TERF2: variants seen among roughly 807,000 people sequenced by gnomAD.
The protein encoded by TERF2 is telomeric repeat binding factor 2.
In TERF2, 16 loss-of-function variants were observed where a neutral mutation model predicts 56.1. The observed-to-expected ratio is 0.29, with a 90% confidence interval of 0.19 to 0.43. The LOEUF is 0.43. TERF2 is among the 20% of genes least tolerant of loss of function. The pLI is 1.00. For missense variants in TERF2, 547 were observed against 712.9 expected (o/e 0.77, Z 2.65); for synonymous variants, 296 against 282.1 (o/e 1.05, Z -0.50).
At chr16:69,359,841 G>A (rs1008385624) in intron 8 of TERF2, among the ~76,000 whole-genome samples, 1 of 151,402 alleles carries the variant, frequency 6.6e-6, no homozygotes, top group South Asian at 2.1e-4. Context: ...TGCTGGTGTC[G>A]AACTTCTGAC....
chr16:69,376,893 CAAAGA>C (rs1237572104), intron 3 of TERF2, among the ~76,000 whole-genome samples: 2 of 143,936 alleles, frequency 1.4e-5, no homozygotes, highest in Admixed American at 7.0e-5. Context: ...GAGAAAAAGA[CAAAGA>C]AAAGAAAGAA....
In TERF2 at chr16:69,385,569, C is replaced by T. The variant is rs759419260; in HGVS notation, c.379+24G>A. 4 of 1,580,216 alleles carry T rather than the reference C, an allele frequency of 2.5e-6. No homozygotes were observed. In the Admixed American group the frequency reaches 5.0e-5, roughly 20 times the overall value. On this transcript the variant is annotated intron_variant, in intron 1 of 9. Transcript: ENST00000254942. ...GACCCCCTTCCCCGGCGCTCCAACC[C>T]CCCTCCCCCGGCCCGGCCCTCACCC...
At chr16:69,381,841 A>G (rs991085194) in intron 3 of TERF2, among the ~76,000 whole-genome samples, 4 of 152,210 alleles carry the variant, frequency 2.6e-5, no homozygotes, top group African/African-American at 9.7e-5. Context: ...CTCTAGAGTT[A>G]ATAAAATTCA....
At chr16:69,377,027 C>T (rs1200755976) in intron 3 of TERF2, among the ~76,000 whole-genome samples, 3 of 151,564 alleles carry the variant, frequency 2.0e-5, no homozygotes, top group African/African-American at 7.3e-5. Flanking sequence ...ATGGTGAAAC[C>T]CTATCTCTAC....
intron 5 of TERF2, among the ~76,000 whole-genome samples, chr16:69,369,110 G>T (rs540123318): frequency 1.3e-5 from 2 of 148,360 alleles, no homozygotes; most frequent in Admixed American, 6.7e-5. Context: ...AGGCTAATCA[G>T]GGCTCTTTGT....
intron 7 of TERF2, 116 bp downstream of exon 7, chr16:69,366,691 A>T (rs1002258673): frequency 3.9e-5 from 52 of 1,348,478 alleles, no homozygotes; most frequent in Non-Finnish European, 4.6e-5. Context: ...TAGCAGTCTG[A>T]GCAAGCCTTG....
rs372615904 is a variant in TERF2 at position 69,369,429 on chromosome 16, GC to G, written c.841-948del. On this transcript the variant is annotated intron_variant, in intron 5 of 9. Transcript: ENST00000254942. ...TCTTCCCACTTCAGCCTCCCAAGTA[GC>G]TGGGACTACAGGCACGCGCCACCAC... Among the ~76,000 whole-genome samples, 718 of 152,214 alleles carry G rather than the reference GC, an allele frequency of 4.7e-3. 11 individuals carry two copies. Among genetic ancestry groups the G allele is most frequent in the African/African-American group, 0.015 (642 of 41,528 alleles).
In TERF2 at chr16:69,356,345, T is replaced by C. The variant is rs1198580178; in HGVS notation, c.*553A>G. ...AAGAAGGGAAACGCTAATGATATTC[T>C]GGCACTGCACAAGCTGTGTGCCTGT... is the stretch of plus-strand genomic sequence containing the variant. On this transcript the variant is annotated 3_prime_UTR_variant, in exon 10 of 10. Coordinates refer to ENST00000254942, the MANE Select transcript of TERF2 (RefSeq NM_005652.5). The C allele has an allele frequency of 1.1e-5, 4 of 371,254 alleles. No individual in the cohort carries two copies. Among genetic ancestry groups the C allele is most frequent in the African/African-American group, 8.5e-5 (4 of 46,952 alleles). The allele number at this position is 371,254 out of a possible 1,614,324, so 23.0% of individuals were successfully genotyped here.
chr16:69,375,842 A>T (rs1158309831), intron 3 of TERF2, among the ~76,000 whole-genome samples: 2 of 152,160 alleles, frequency 1.3e-5, no homozygotes, highest in East Asian at 3.8e-4. Context: ...ATGATGTTGA[A>T]CATCTTTTCA....
At chr16:69,380,073 C>T (rs868430123) in intron 3 of TERF2, among the ~76,000 whole-genome samples, 4 of 152,044 alleles carry the variant, frequency 2.6e-5, no homozygotes, top group Admixed American at 2.0e-4. Flanking sequence ...GCCACACACC[C>T]GGCTAATTTT....
rs755088525 is a variant in TERF2 at position 69,361,407 on chromosome 16, G to T, written c.1423C>A (p.Gln475Lys). 7 of 1,611,112 alleles carry T rather than the reference G, an allele frequency of 4.3e-6. No homozygotes were observed. The African/African-American group carries it at 8.0e-5, about 18-fold the overall frequency. Reference sequence around the variant, plus strand: ...CCAAGGAGAATCTTCTGCTTACCCTGAACTTGAAACAGTTCATCCTCTTCC... The same window carrying T: ...CCAAGGAGAATCTTCTGCTTACCCTTAACTTGAAACAGTTCATCCTCTTCC... The part of the protein sequence containing the change: ...WVEEDELFQV[Q>K]AAPDEDSTTN... The change falls in exon 8 of 10, where the codon CAG (glutamine) becomes AAG (lysine). Residue 475 changes from glutamine to lysine, a missense_variant. Transcript: ENST00000254942.
chr16:69,385,773 G>A lies in TERF2; in HGVS notation c.199C>T (p.Arg67Trp), dbSNP rs1181871917. The A allele has an allele frequency of 7.6e-7, 1 of 1,322,896 alleles. No individual in the cohort carries two copies. 81.9% of individuals were successfully genotyped at this position (1,322,896 alleles called of 1,614,324 possible). A position where few individuals can be genotyped will look rare whatever the true frequency, so the allele number is the denominator to read the frequency against. The stretch of plus-strand genomic sequence containing the variant: ...GGCTCGTGGCGCCCCCGCCGGGCCC[G>A]CCCGCTACTGCGGGACGCCCGCCTG... ...AGRRASRSSGRARRGRHEPGL... is the reference protein window; with the variant it reads ...AGRRASRSSGWARRGRHEPGL... Residue 67 changes from arginine to tryptophan, a missense_variant, in exon 1 of 10, where the codon CGG becomes TGG. By Grantham distance (101) the Arg-to-Trp change is moderately radical. This residue lies in a region of TERF2 where 120 missense variants were observed against 172.4 expected (regional missense o/e 0.70). Coordinates refer to ENST00000254942, the MANE Select transcript of TERF2 (RefSeq NM_005652.5).
chr16:69,381,268 G>C (rs1329252897), intron 3 of TERF2, among the ~76,000 whole-genome samples: 2 of 152,134 alleles, frequency 1.3e-5, no homozygotes, highest in South Asian at 2.1e-4. Context: ...CTTGTTTTAT[G>C]TGACAGGTTT....
rs1044685359 is a variant in TERF2, at chr16:69,367,214, T to C, written c.948-15A>G. The C allele has an allele frequency of 5.0e-6, 8 of 1,589,652 alleles. No individual in the cohort carries two copies. Among genetic ancestry groups the C allele is most frequent in the African/African-American group, 4.1e-5 (3 of 73,964 alleles). ...TCCGTAGCTGCCTGCAAATCAAGCA[T>C]AGGCACAAAGATGTTTTTCACCACT... On this transcript the variant is annotated splice_polypyrimidine_tract_variant and intron_variant, in intron 6 of 9. Coordinates refer to ENST00000254942, the MANE Select transcript of TERF2 (RefSeq NM_005652.5).
chr16:69,361,326 G>C lies in TERF2; in HGVS notation c.1426+78C>G. ...TCTAGTTCGGAGACAAGCAGCTTCT[G>C]GAATATTAACATGACAGTAACACGC... On this transcript the variant is annotated intron_variant, in intron 8 of 9. Coordinates refer to ENST00000254942, the MANE Select transcript of TERF2 (RefSeq NM_005652.5). 2.0e-6 allele frequency: 2 copies of C among 1,022,048 alleles called. 1 individual carries two copies. The allele number at this position is 1,022,048 out of a possible 1,614,324, so 63.3% of individuals were successfully genotyped here.
intron 8 of TERF2, among the ~76,000 whole-genome samples, chr16:69,360,378 G>C (rs114105419): frequency 0.041 from 6,220 of 150,170 alleles, 442 homozygotes; most frequent in African/African-American, 0.14. Flanking sequence ...AAGTAAGACT[G>C]CATCTCAAAA....
intron 7 of TERF2, among the ~76,000 whole-genome samples, chr16:69,363,511 AGTC>A (rs2013223305): frequency 6.6e-6 from 1 of 152,190 alleles, no homozygotes; most frequent in Non-Finnish European, 1.5e-5. Context: ...GTCCTGGCCA[AGTC>A]AGGCCACTTC....
In TERF2 at chr16:69,367,153, C is replaced by A; in HGVS notation, c.994G>T (p.Ala332Ser). The change falls in exon 7 of 10, where the codon GCA (alanine) becomes TCA (serine). Residue 332 changes from alanine to serine, a missense_variant. By Grantham distance (99) the Ala-to-Ser change is moderately conservative (BLOSUM62 1). This residue lies in a region of TERF2 where 211 missense variants were observed against 236.8 expected (regional missense o/e 0.89). Coordinates refer to ENST00000254942, the MANE Select transcript of TERF2 (RefSeq NM_005652.5). ...GCACCAGACAGAGTCTTGAAAGCTG[C>A]TTTCAGAGTCATCATTCCAATGGTG... Reference protein sequence around the residue: ...PTTIGMMTLKAAFKTLSGAQD... With the variant: ...PTTIGMMTLKSAFKTLSGAQD... 1 of 1,614,120 alleles carries A rather than the reference C, an allele frequency of 6.2e-7. No homozygotes were observed. Among genetic ancestry groups the A allele is most frequent in the Non-Finnish European group, 8.5e-7 (1 of 1,180,010 alleles).
chr16:69,366,192 G>A (rs531133545), intron 7 of TERF2: 1 of 152,478 alleles, frequency 6.6e-6, no homozygotes, highest in East Asian at 1.9e-4. Context: ...AAAGTACAGT[G>A]GTAGAAACAA....
Sources: allele counts gnomAD v4.1 joint callset (sites outside exome capture counted in the v4.1 genomes callset), GRCh38; gene constraint gnomAD v4.1.1; regional missense constraint gnomAD v4.1.1; transcripts MANE v1.5; gene names NCBI Gene and HGNC (gene_info 2026-07-23, HGNC 2026-07-21).